OXR1: variants seen among roughly 807,000 people sequenced by gnomAD.
OXR1 encodes oxidation resistance 1.
Under a neutral mutation model 104.6 loss-of-function variants are expected in OXR1, and 41 were observed. That is an observed-to-expected ratio of 0.39 (90% confidence interval 0.31 to 0.51). OXR1 has a LOEUF of 0.51. Ranked by LOEUF, OXR1 falls within the 20% of genes least tolerant of loss-of-function variation. OXR1 has a pLI of 0.77. For synonymous variants in OXR1, 348 were observed against 348.4 expected (o/e 1.00, Z 0.01); for missense variants, 955 against 1,031.9 (o/e 0.93, Z 1.02).
At chr8:106,648,652 C>G (rs1824282195) in intron 3 of OXR1, among the ~76,000 whole-genome samples, 1 of 152,146 alleles carries the variant, frequency 6.6e-6, no homozygotes. Context: ...AGTGGTTTAA[C>G]TAAATAACCT....
intron 1 of OXR1, among the ~76,000 whole-genome samples, chr8:106,356,439 C>T (rs115561089): frequency 0.012 from 1,895 of 152,262 alleles, 35 homozygotes; most frequent in African/African-American, 0.041. Context: ...TTCAGTTATA[C>T]TAAATTGTAC....
At chr8:106,694,500 GTT>G (rs1362555752) in intron 7 of OXR1, among the ~76,000 whole-genome samples, 18 of 118,172 alleles carry the variant, frequency 1.5e-4, no homozygotes, top group Admixed American at 4.0e-4. Context: ...ATATAAATAT[GTT>G]TTTATATATA....
intron 3 of OXR1, among the ~76,000 whole-genome samples, chr8:106,557,137 T>C (rs1336076134): frequency 6.6e-6 from 1 of 152,346 alleles, no homozygotes; most frequent in Non-Finnish European, 1.5e-5. Flanking sequence ...TAATAAAACA[T>C]TTCCTACATT....
chr8:106,527,979 A>T (rs1365592986), intron 3 of OXR1, among the ~76,000 whole-genome samples: 3 of 152,232 alleles, frequency 2.0e-5, no homozygotes, highest in Non-Finnish European at 2.9e-5. Context: ...CCCAAGTGCT[A>T]GTCTATACCA....
chr8:106,371,134 A>G (rs945798160), intron 2 of OXR1, among the ~76,000 whole-genome samples: 4 of 151,852 alleles, frequency 2.6e-5, no homozygotes, highest in African/African-American at 9.7e-5. Context: ...TCTTGGTAGC[A>G]TGTATGCGTC....
At chr8:106,542,920 GC>G (rs1815068742) in intron 3 of OXR1, among the ~76,000 whole-genome samples, 3 of 152,232 alleles carry the variant, frequency 2.0e-5, no homozygotes, top group South Asian at 4.2e-4. Context: ...GTCAACGATT[GC>G]CCCCAAAGAG....
At chr8:106,373,492 T>C (rs1816789344) in intron 2 of OXR1, among the ~76,000 whole-genome samples, 1 of 152,230 alleles carries the variant, frequency 6.6e-6, no homozygotes, top group African/African-American at 2.4e-5. Context: ...GGCATCCTTC[T>C]TGGATAAAAT....
At chr8:106,447,252 C>T (rs987092256) in intron 2 of OXR1, among the ~76,000 whole-genome samples, 21 of 152,120 alleles carry the variant, frequency 1.4e-4, no homozygotes, top group African/African-American at 5.1e-4. Context: ...TATTAGAATG[C>T]TTCACAAGAA....
At chr8:106,554,316 G>A (rs181717344) in intron 3 of OXR1, among the ~76,000 whole-genome samples, 38 of 152,282 alleles carry the variant, frequency 2.5e-4, no homozygotes, top group African/African-American at 9.1e-4. Context: ...TTACAAAATA[G>A]CCAGCACTCC....
At chr8:106,621,424 C>G (rs1563648771) in intron 3 of OXR1, among the ~76,000 whole-genome samples, 1 of 151,766 alleles carries the variant, frequency 6.6e-6, no homozygotes, top group African/African-American at 2.4e-5. Context: ...TCACTCCAGC[C>G]TGGGCAACAG....
At chr8:106,591,578 A>G (rs529092333) in intron 3 of OXR1, among the ~76,000 whole-genome samples, 8 of 152,300 alleles carry the variant, frequency 5.3e-5, no homozygotes, top group African/African-American at 1.9e-4. Context: ...TTAAATGTAT[A>G]ATTATAGATA....
chr8:106,538,925 T>G (rs948266828), intron 3 of OXR1, among the ~76,000 whole-genome samples: 11 of 152,214 alleles, frequency 7.2e-5, no homozygotes, highest in Admixed American at 3.9e-4. Flanking sequence ...TGCCGTAGGT[T>G]TTTTACATCT....
intron 3 of OXR1, among the ~76,000 whole-genome samples, chr8:106,555,031 A>C (rs1480766368): frequency 7.2e-5 from 11 of 152,202 alleles, no homozygotes. Context: ...CTGTGGCATT[A>C]GCAGTTGTAA....
intron 1 of OXR1, among the ~76,000 whole-genome samples, chr8:106,304,116 AC>A (rs1813378443): frequency 6.6e-6 from 1 of 152,190 alleles, no homozygotes; most frequent in South Asian, 2.1e-4. Context: ...TTGTTACTGT[AC>A]CACGTTTTAA....
At chr8:106,423,349 C>A in intron 2 of OXR1, among the ~76,000 whole-genome samples, 1 of 152,074 alleles carries the variant, frequency 6.6e-6, no homozygotes, top group East Asian at 1.9e-4. Flanking sequence ...TCCTTTTGAC[C>A]ATCCTACTTT....
At chr8:106,636,615 T>G (rs952392178) in intron 3 of OXR1, among the ~76,000 whole-genome samples, 1 of 152,224 alleles carries the variant, frequency 6.6e-6, no homozygotes, top group African/African-American at 2.4e-5. Flanking sequence ...TCCAGAAACC[T>G]TCCTATTTAA....
At chr8:106,593,972 A>AGG (rs987523839) in intron 3 of OXR1, among the ~76,000 whole-genome samples, 5 of 152,202 alleles carry the variant, frequency 3.3e-5, no homozygotes, top group Non-Finnish European at 7.3e-5. Context: ...GTGTAAAAAG[A>AGG]GGGAAACAAA....
intron 7 of OXR1, among the ~76,000 whole-genome samples, chr8:106,693,463 C>T (rs1829519274): frequency 8.1e-6 from 1 of 123,194 alleles, no homozygotes; most frequent in Non-Finnish European, 1.6e-5. Flanking sequence ...AAGTTTCGCT[C>T]TTATCAGCCA....
At chr8:106,316,717 C>CTATCTATCTATCTATCATCT (rs147531007) in intron 1 of OXR1, among the ~76,000 whole-genome samples, 113 of 118,666 alleles carry the variant, frequency 9.5e-4, no homozygotes, top group Admixed American at 1.5e-3. Context: ...ATCTATCTAT[C>CTATCTATCTATCTATCATCT]ATCTATCTAT....
Sources: gnomAD v4.1 joint callset for allele counts (sites outside exome capture counted in the v4.1 genomes callset) on GRCh38, gnomAD v4.1.1 for gene constraint, MANE v1.5 for transcripts, NCBI Gene and HGNC (gene_info 2026-07-23, HGNC 2026-07-21) for gene names.